Variants in PCDHGA1 observed in about 807,000 individuals in gnomAD.
PCDHGA1 encodes protocadherin gamma-A1.
PCDHGA1 carries 32 observed loss-of-function variants against 58.0 expected under a neutral mutation model. That is an observed-to-expected ratio of 0.55 (90% CI 0.42 to 0.74). The LOEUF is 0.74. Ranked by LOEUF, PCDHGA1 falls within the 30% of genes least tolerant of loss-of-function variation. The pLI is 0.00. For missense variants in PCDHGA1, 1,205 were observed against 1,182.3 expected, an observed-to-expected ratio of 1.02 and a Z score of -0.28; for synonymous variants, 498 against 501.1, an observed-to-expected ratio of 0.99 and a Z score of 0.08.
intron 1 of PCDHGA1, chr5:141,383,348 T>C: frequency 6.2e-7 from 1 of 1,613,946 alleles, no homozygotes; most frequent in Admixed American, 1.7e-5. Context: ...GCTCCTGGGG[T>C]TCGGTTTCCG....
Position 141,332,477 on chromosome 5 carries a change from C to T in PCDHGA1, c.1793C>T (p.Ser598Leu), listed in dbSNP as rs1025601803. ...VTKVVAVDRD[S>L]GQNAWLSYRL... ...AAGGTGGTGGCGGTGGACAGAGACT[C>T]GGGCCAGAACGCCTGGCTGTCCTAC... Residue 598 changes from serine (S) to leucine (L), a missense_variant, in exon 1 of 4, where the codon TCG (serine) becomes TTG (leucine). By Grantham distance (145) the Ser-to-Leu change is moderately radical. Coordinates refer to ENST00000517417, the MANE Select transcript of PCDHGA1 (RefSeq NM_018912.3). The surrounding 1 kb of genome is among the most constrained non-coding windows in gnomAD (Gnocchi z 4.6). 1.9e-6 allele frequency: 3 copies of T among 1,613,114 alleles called. No homozygotes were observed. The highest frequency in any genetic ancestry group is 1.3e-5 in the African/African-American group (1 of 74,866).
In PCDHGA1 at chr5:141,489,873, G is replaced by A. The variant is rs1252665956; in HGVS notation, c.2422-4934G>A. The A allele has an allele frequency of 4.3e-6, 7 of 1,614,224 alleles. No homozygotes were observed. The highest frequency in any genetic ancestry group is 5.9e-6 in the Non-Finnish European group (7 of 1,180,030). On this transcript the variant is annotated intron_variant, in intron 1 of 3. Coordinates refer to ENST00000517417, the MANE Select transcript of PCDHGA1 (RefSeq NM_018912.3). The surrounding 1 kb of genome is among the most constrained non-coding windows in gnomAD (Gnocchi z 4.5). Reference sequence around the variant, plus strand: ...AAGCCCAGGCAAGACATCAGCTGGTGCTTACTGCTGTGGATGGGGGGACCC... The same window carrying A: ...AAGCCCAGGCAAGACATCAGCTGGTACTTACTGCTGTGGATGGGGGGACCC...
chr5:141,339,055 C>T (rs761905954), intron 1 of PCDHGA1: 8 of 1,611,878 alleles, frequency 5.0e-6, no homozygotes, highest in African/African-American at 4.0e-5. Flanking sequence ...AGGCCAGGGC[C>T]GGGCAGATTC....
Position 141,436,609 on chromosome 5 carries a change from A to G in PCDHGA1, c.2422-58198A>G, listed in dbSNP as rs182981534. On this transcript the variant is annotated intron_variant, in intron 1 of 3. Coordinates refer to ENST00000517417, the MANE Select transcript of PCDHGA1 (RefSeq NM_018912.3). ...AAAGGTCGTGGTGATGGCTAGGGCT[A>G]ACAAAAATCTGATTCACAACATGCA... Among the ~76,000 whole-genome samples, 5 of 152,334 alleles carry G rather than the reference A, an allele frequency of 3.3e-5. No homozygotes were observed. The East Asian group carries it at 5.8e-4, about 18-fold the overall frequency.
chr5:141,376,676 G>GTGTTTTTTT (rs1773033495), intron 1 of PCDHGA1: 1 of 275,812 alleles, frequency 3.6e-6, no homozygotes, highest in African/African-American at 3.7e-5. Flanking sequence ...TGAGGGTATC[G>GTGTTTTTTT]TTTTTTTTTT....
chr5:141,364,265 C>T (rs1763247589), intron 1 of PCDHGA1: 3 of 1,511,160 alleles, frequency 2.0e-6, no homozygotes, highest in East Asian at 2.3e-5. Context: ...TACCCATCGG[C>T]TTTAGATAAA....
At chr5:141,401,919 G>A (rs2150915658) in intron 1 of PCDHGA1, among the ~76,000 whole-genome samples, 1 of 152,224 alleles carries the variant, frequency 6.6e-6, no homozygotes, top group Non-Finnish European at 1.5e-5. Context: ...ATAAGTTTAA[G>A]TGATGCTTAG....
intron 1 of PCDHGA1, among the ~76,000 whole-genome samples, chr5:141,461,906 C>A (rs2154567542): frequency 6.6e-6 from 1 of 152,270 alleles, no homozygotes; most frequent in South Asian, 2.1e-4. Context: ...TCACTGCAAC[C>A]TCTGCCTCCT....
rs769671283 is a variant in PCDHGA1, at chr5:141,511,391, C to T, written c.*218C>T. On this transcript the variant is annotated 3_prime_UTR_variant, in exon 4 of 4. Transcript: ENST00000517417. Reference sequence around the variant, plus strand: ...TGCAAAAGCAGTTCCGCTGGGAACCCCCATCCAATCAACTGCTGTACCCAT... The same window carrying T: ...TGCAAAAGCAGTTCCGCTGGGAACCTCCATCCAATCAACTGCTGTACCCAT... The T allele has an allele frequency of 6.4e-5, 69 of 1,079,630 alleles. No individual in the cohort carries two copies. The highest frequency in any genetic ancestry group is 1.5e-4 in the Admixed American group (5 of 34,354). 66.9% of individuals were successfully genotyped at this position (1,079,630 alleles called of 1,614,324 possible). A position where few individuals can be genotyped will look rare whatever the true frequency, so the allele number is the denominator to read the frequency against.
chr5:141,472,750 C>T (rs967243815), intron 1 of PCDHGA1, among the ~76,000 whole-genome samples: 3 of 151,882 alleles, frequency 2.0e-5, no homozygotes, highest in Non-Finnish European at 2.9e-5. Context: ...CTTTGGGAGG[C>T]GGAGGCTGGC....
intron 2 of PCDHGA1, among the ~76,000 whole-genome samples, chr5:141,505,180 A>G (rs1435197883): frequency 6.6e-6 from 1 of 152,200 alleles, no homozygotes; most frequent in Non-Finnish European, 1.5e-5. Context: ...AGAAAAAAGC[A>G]TCGGAGGCAG....
chr5:141,431,724 T>G lies in PCDHGA1; in HGVS notation c.2422-63083T>G, dbSNP rs758754345. On this transcript the variant is annotated intron_variant, in intron 1 of 3. Transcript: ENST00000517417. The surrounding 1 kb of genome is among the most constrained non-coding windows in gnomAD (Gnocchi z 4.8). ...TTCTACCAGATGGAAGTGCAAGCAA[T>G]GGATAATGCAGGATATTCTGCGCGA... 1 of 1,614,036 alleles carries G rather than the reference T, an allele frequency of 6.2e-7. No individual in the cohort carries two copies. Among genetic ancestry groups the G allele is most frequent in the Non-Finnish European group, 8.5e-7 (1 of 1,180,036 alleles).
intron 1 of PCDHGA1, chr5:141,409,921 G>C (rs767370997): frequency 2.7e-5 from 44 of 1,613,404 alleles, no homozygotes; most frequent in Non-Finnish European, 3.7e-5. Context: ...ACGGCTCCGC[G>C]TTCTTCGATA....
intron 1 of PCDHGA1, chr5:141,394,595 G>A: frequency 6.2e-7 from 1 of 1,613,740 alleles, no homozygotes; most frequent in Non-Finnish European, 8.5e-7. Flanking sequence ...TGGTGGCGGT[G>A]GACAGAGACT....
chr5:141,415,249 G>A (rs756443082), intron 1 of PCDHGA1: 1 of 1,614,204 alleles, frequency 6.2e-7, no homozygotes, highest in South Asian at 1.1e-5. Context: ...TGAAACCTCA[G>A]ACCTCACTCT....
intron 1 of PCDHGA1, among the ~76,000 whole-genome samples, chr5:141,373,507 A>T (rs1769637375): frequency 6.6e-6 from 1 of 152,236 alleles, no homozygotes; most frequent in Non-Finnish European, 1.5e-5. Flanking sequence ...TGGGAGACAG[A>T]GCGAGACTTT....
At position 141,413,564 on chromosome 5, in the gene PCDHGA1, T is replaced by C. The variant is rs762044373; in HGVS notation, c.2421+80459T>C. 9 of 1,613,760 alleles carry C rather than the reference T, an allele frequency of 5.6e-6. No homozygotes were observed. The Admixed American group carries it at 1.2e-4, about 21-fold the overall frequency. ...GGGATAGAAATAGAAGTAACTGATA[T>C]CAATGACAATGCTCCAAAATTCCAA... On this transcript the variant is annotated intron_variant, in intron 1 of 3. Coordinates refer to ENST00000517417, the MANE Select transcript of PCDHGA1 (RefSeq NM_018912.3).
chr5:141,385,442 G>T, intron 1 of PCDHGA1: 1 of 1,450,070 alleles, frequency 6.9e-7, no homozygotes, highest in Non-Finnish European at 9.1e-7. Context: ...AGGTAAAAAT[G>T]AGTTTACCAG....
At chr5:141,394,285 T>C (rs1463926417) in intron 1 of PCDHGA1, 2 of 1,613,942 alleles carry the variant, frequency 1.2e-6, no homozygotes, top group Admixed American at 1.7e-5. Context: ...ACTTACTCTG[T>C]GACCGAGGAC....
Sources: gnomAD v4.1 joint callset for allele counts (sites outside exome capture counted in the v4.1 genomes callset) on GRCh38, gnomAD v4.1.1 for gene constraint, Gnocchi (gnomAD v3.1) non-coding constraint, MANE v1.5 for transcripts, NCBI Gene and HGNC (gene_info 2026-07-23, HGNC 2026-07-21) for gene names.